Variants in PRH1 observed in about 807,000 individuals in gnomAD.
PRH1 encodes the protein salivary acidic proline-rich phosphoprotein 1/2.
In PRH1, 7 loss-of-function variants were observed where a neutral mutation model predicts 7.9. The observed-to-expected ratio is 0.89, with a 90% confidence interval of 0.50 to 1.67. The LOEUF is 1.67. Ranked by LOEUF, PRH1 falls within the 40% of genes most tolerant of loss-of-function variation. PRH1 has a pLI of 0.00. For missense variants in PRH1, 109 were observed against 223.6 expected (o/e 0.49, Z 3.27); for synonymous variants, 45 against 80.8 (o/e 0.56, Z 2.38).
At chr12:10,951,671 G>C (rs1228210009) in intron 2 of PRH1, among the ~76,000 whole-genome samples, 2 of 152,056 alleles carry the variant, frequency 1.3e-5, no homozygotes, top group Non-Finnish European at 2.9e-5. Context: ...ATTCTCTTAA[G>C]TCAATTTGAT....
At chr12:11,051,617 G>A (rs1002204017), upstream of PRH1, among the ~76,000 whole-genome samples, 2 of 151,996 alleles carry the variant, frequency 1.3e-5, no homozygotes, top group African/African-American at 2.4e-5. Flanking sequence ...CCTGTAATAC[G>A]CAACGTCCAT....
At position 10,930,267 on chromosome 12, in the gene PRH1, A is replaced by C; in HGVS notation, c.-59+43388T>G. On this transcript the variant is annotated intron_variant, in intron 2 of 3. Transcript: ENST00000539853. The stretch of plus-strand genomic sequence containing the variant: ...TCCCATCATCCTGTACTTCTTTTCT[A>C]GATGTCAGCCAAGAAGACGTTCCCT... 1.2e-6 allele frequency: 2 copies of C among 1,612,888 alleles called. 1 individual carries two copies. Among genetic ancestry groups the C allele is most frequent in the South Asian group, 2.2e-5 (2 of 91,056 alleles).
At chr12:11,001,905 T>G (rs1332597575) in intron 1 of PRH1, among the ~76,000 whole-genome samples, 3 of 152,080 alleles carry the variant, frequency 2.0e-5, no homozygotes, top group Admixed American at 1.3e-4. Flanking sequence ...ATAAATAAAA[T>G]AAAACCTTCA....
intron 2 of PRH1, among the ~76,000 whole-genome samples, chr12:10,936,012 G>A (rs972534037): frequency 6.6e-6 from 1 of 152,024 alleles, no homozygotes; most frequent in African/African-American, 2.4e-5. Flanking sequence ...ATGAAAATGG[G>A]GTAATGGAGT....
At chr12:11,059,895 C>A (rs1943513647) in intron 1 of PRH1, among the ~76,000 whole-genome samples, 1 of 152,042 alleles carries the variant, frequency 6.6e-6, no homozygotes, top group Non-Finnish European at 1.5e-5. Flanking sequence ...TCATTTTTGA[C>A]CATCTATTCT....
At chr12:10,940,326 G>C (rs987269965) in intron 2 of PRH1, among the ~76,000 whole-genome samples, 1 of 152,088 alleles carries the variant, frequency 6.6e-6, no homozygotes, top group Admixed American at 6.6e-5. Context: ...TATGCATCTA[G>C]TTCATGTTTA....
chr12:10,906,827 T>A (rs892698067), intron 2 of PRH1, among the ~76,000 whole-genome samples: 4 of 152,174 alleles, frequency 2.6e-5, no homozygotes, highest in African/African-American at 7.2e-5. Flanking sequence ...TATGTCTTTA[T>A]CAGCAGCATG....
Position 10,998,903 on chromosome 12 carries a change from T to G in PRH1, c.-125-25182A>C, listed in dbSNP as rs117072082. On this transcript the variant is annotated intron_variant, in intron 1 of 3. Coordinates refer to the PRH1 transcript ENST00000539853. ...TCGAAATTTGAGATGACCTCCACAT[T>G]AGGCTTTCTTGTTCCTTTCCGGTTT... 2.8e-3 allele frequency among the ~76,000 whole-genome samples: 427 copies of G among 152,238 alleles called. 5 individuals carry two copies. Among genetic ancestry groups the G allele is most frequent in the East Asian group, 0.023 (118 of 5,168 alleles).
At chr12:11,138,931 T>C (rs932649398) in intron 1 of PRH1, among the ~76,000 whole-genome samples, 1 of 152,122 alleles carries the variant, frequency 6.6e-6, no homozygotes, top group Non-Finnish European at 1.5e-5. Context: ...TCCTAGCTAC[T>C]CTGGAGGCTG....
chr12:11,171,569 T>C, upstream of PRH1: 1 of 1,231,956 alleles, frequency 8.1e-7, no homozygotes, highest in Non-Finnish European at 1.0e-6. Context: ...TTTAGAGCCA[T>C]GACTAAGCTA....
intron 1 of PRH1, among the ~76,000 whole-genome samples, chr12:11,156,449 T>G (rs1947251530): frequency 6.6e-6 from 1 of 152,214 alleles, no homozygotes; most frequent in Non-Finnish European, 1.5e-5. Context: ...ACATTCTCTC[T>G]TCTAATCTTC....
At chr12:11,137,756 TATG>T (rs1946595655) in intron 1 of PRH1, among the ~76,000 whole-genome samples, 1 of 152,188 alleles carries the variant, frequency 6.6e-6, no homozygotes, top group East Asian at 1.9e-4. Context: ...TTCCAATAAT[TATG>T]ATCTTTTTAA....
chr12:11,049,037 C>A (rs958741628), upstream of PRH1: 111 of 261,886 alleles, frequency 4.2e-4, no homozygotes, highest in African/African-American at 2.6e-3. Flanking sequence ...TATGTGAAGC[C>A]AAATTAAACA....
chr12:10,902,190 G>C (rs766047024), intron 2 of PRH1, among the ~76,000 whole-genome samples: 47 of 152,006 alleles, frequency 3.1e-4, no homozygotes, highest in Non-Finnish European at 4.0e-4. Context: ...TTCTGGAATT[G>C]AGAAACTTAC....
chr12:11,020,164 TATG>T (rs1310517251), intron 1 of PRH1, among the ~76,000 whole-genome samples: 2 of 152,258 alleles, frequency 1.3e-5, no homozygotes, highest in Non-Finnish European at 2.9e-5. Context: ...CTGCAGATTT[TATG>T]ATGAGCTTCA....
At chr12:10,967,847 T>C (rs1938583156) in intron 2 of PRH1, among the ~76,000 whole-genome samples, 1 of 152,192 alleles carries the variant, frequency 6.6e-6, no homozygotes, top group African/African-American at 2.4e-5. Context: ...TCAAACTGCA[T>C]CATTACTCAA....
chr12:11,156,644 T>A (rs73051374), intron 1 of PRH1, among the ~76,000 whole-genome samples: 32,195 of 152,108 alleles, frequency 0.21, 4,009 homozygotes, highest in Non-Finnish European at 0.27. Context: ...AAATATTGAA[T>A]TCTTAATATT....
chr12:10,912,189 G>A (rs947043301), intron 2 of PRH1, among the ~76,000 whole-genome samples: 1 of 152,114 alleles, frequency 6.6e-6, no homozygotes, highest in Non-Finnish European at 1.5e-5. Context: ...GAAACACAAA[G>A]TTGGTTTATT....
In PRH1 at chr12:11,012,207, T is replaced by C. The variant is rs528440261; in HGVS notation, c.-126+34813A>G. Among the ~76,000 whole-genome samples the C allele has an allele frequency of 9.8e-5, 15 of 152,318 alleles. No homozygotes were observed. The East Asian group carries it at 1.5e-3, about 16-fold the overall frequency. Reference sequence around the variant, plus strand: ...TTTTTTATTATTTAATGGTTTAAGATGAATAGATGTTAAAAATCGGTCTTC... The same window carrying C: ...TTTTTTATTATTTAATGGTTTAAGACGAATAGATGTTAAAAATCGGTCTTC... On this transcript the variant is annotated intron_variant, in intron 1 of 3. Coordinates refer to the PRH1 transcript ENST00000539853.
Sources: allele counts gnomAD v4.1 joint callset (sites outside exome capture counted in the v4.1 genomes callset), GRCh38; gene constraint gnomAD v4.1.1; transcripts MANE v1.5; gene names NCBI Gene and HGNC (gene_info 2026-07-23, HGNC 2026-07-21).